LSAMP: variants seen among roughly 807,000 people sequenced by gnomAD.
LSAMP encodes the protein limbic system associated membrane protein.
LSAMP carries 7 observed loss-of-function variants against 38.6 expected under a neutral mutation model. The ratio of observed to expected loss-of-function variants is 0.18; its 90% CI spans 0.10 to 0.34. The LOEUF is 0.34. LSAMP is among the 10% of genes least tolerant of loss of function. The pLI, the probability that LSAMP is intolerant of heterozygous loss-of-function variation, is 1.00. For synonymous variants in LSAMP, 154 were observed against 166.8 expected (o/e 0.92, Z 0.59); for missense variants, 313 against 420.0 (o/e 0.75, Z 2.23).
chr3:116,332,731 A>G (rs72950151), intron 1 of LSAMP, among the ~76,000 whole-genome samples: 6,886 of 152,220 alleles, frequency 0.045, 538 homozygotes, highest in African/African-American at 0.16. Context: ...ATCCAATTAT[A>G]TGCTGCCTAC....
intron 1 of LSAMP, among the ~76,000 whole-genome samples, chr3:116,239,788 T>A (rs1459173209): frequency 6.6e-6 from 1 of 152,188 alleles, no homozygotes; most frequent in Non-Finnish European, 1.5e-5. Flanking sequence ...TTATTCTAAA[T>A]CTAAAATGTA....
In LSAMP at chr3:116,019,579, A is replaced by C. The variant is rs776034160; in HGVS notation, c.450T>G (p.Thr150=). ...DVTVNEGSNV[T]LVCMANGRPE... is the part of the protein sequence containing the mutation. ...GACGGCCATTGGCCATGCAGACCAG[A>C]GTCACGTTGCTGCCCTCATTCACAG... is the stretch of plus-strand genomic sequence containing the variant. Residue 150 remains threonine, a synonymous_variant, in exon 3 of 7, where the codon ACT becomes ACG. Coordinates refer to ENST00000490035, the MANE Select transcript of LSAMP (RefSeq NM_002338.5). The C allele has an allele frequency of 1.2e-6, 2 of 1,613,006 alleles. No individual in the cohort carries two copies. Among genetic ancestry groups the C allele is most frequent in the Non-Finnish European group, 1.7e-6 (2 of 1,179,242 alleles).
At chr3:115,912,219 C>T (rs1348876161) in intron 3 of LSAMP, among the ~76,000 whole-genome samples, 1 of 152,158 alleles carries the variant, frequency 6.6e-6, no homozygotes, top group Non-Finnish European at 1.5e-5. Context: ...AGCCTAAGGA[C>T]ACTTTGCCTA....
chr3:116,001,068 A>G (rs1428475016), intron 3 of LSAMP, among the ~76,000 whole-genome samples: 3 of 152,166 alleles, frequency 2.0e-5, no homozygotes, highest in African/African-American at 7.2e-5. Context: ...ATCACCTAGA[A>G]ATATTATTAC....
intron 2 of LSAMP, among the ~76,000 whole-genome samples, chr3:116,023,178 CTATATATATATACACACAT>C (rs1358766095): frequency 1.4e-5 from 2 of 143,288 alleles, no homozygotes; most frequent in Non-Finnish European, 3.1e-5. Context: ...CTCTCTCTCT[CTATATATATATACACACAT>C]ATCAGATTCA....
At chr3:116,172,254 T>C (rs1353693642) in intron 1 of LSAMP, among the ~76,000 whole-genome samples, 3 of 151,962 alleles carry the variant, frequency 2.0e-5, no homozygotes, top group African/African-American at 7.2e-5. Context: ...GTTTATATGT[T>C]CACAACCGTC....
intron 6 of LSAMP, among the ~76,000 whole-genome samples, chr3:115,828,864 A>C (rs1934515536): frequency 6.6e-6 from 1 of 152,196 alleles, no homozygotes; most frequent in Non-Finnish European, 1.5e-5. Context: ...GGCTCTAGAC[A>C]TCTAAATAGC....
intron 1 of LSAMP, among the ~76,000 whole-genome samples, chr3:116,144,412 A>G (rs1385882371): frequency 6.6e-6 from 1 of 151,892 alleles, no homozygotes; most frequent in Non-Finnish European, 1.5e-5. Flanking sequence ...GGTCCCAGCT[A>G]CTTGGGGAGC....
chr3:116,369,998 A>G (rs2048409146), intron 1 of LSAMP: 1 of 152,528 alleles, frequency 6.6e-6, no homozygotes, highest in African/African-American at 2.4e-5. Context: ...AAAAAATTCT[A>G]TTTTTTGTCT....
intron 1 of LSAMP, among the ~76,000 whole-genome samples, chr3:116,253,501 T>C (rs1228860184): frequency 6.6e-6 from 1 of 152,188 alleles, no homozygotes; most frequent in Non-Finnish European, 1.5e-5. Flanking sequence ...CAGATGGTAA[T>C]TCACAGCAAC....
At chr3:116,414,406 GC>G (rs2049021616) in intron 1 of LSAMP, among the ~76,000 whole-genome samples, 2 of 152,080 alleles carry the variant, frequency 1.3e-5, no homozygotes, top group African/African-American at 4.8e-5. Flanking sequence ...ACCCTGCCCA[GC>G]CGGTGTCTTC....
chr3:116,425,574 T>C (rs1559863700), intron 1 of LSAMP, among the ~76,000 whole-genome samples: 1 of 152,294 alleles, frequency 6.6e-6, no homozygotes, highest in East Asian at 1.9e-4. Context: ...TGGGTGAGTA[T>C]GTCAATAAAA....
At chr3:116,013,066 G>A (rs1050985062) in intron 3 of LSAMP, among the ~76,000 whole-genome samples, 10 of 152,140 alleles carry the variant, frequency 6.6e-5, no homozygotes, top group Admixed American at 5.2e-4. Flanking sequence ...ACCATGTCTT[G>A]GAGCATTGAT....
chr3:115,882,265 A>G lies in LSAMP; in HGVS notation c.515-29648T>C, dbSNP rs370822897. ...GCTCTGTAATTAAGAAATCTGACCT[A>G]AGACAACTACCCACCTTGTACCAGG... On this transcript the variant is annotated intron_variant, in intron 3 of 6. Transcript: ENST00000490035. 9.0e-4 allele frequency among the ~76,000 whole-genome samples: 137 copies of G among 152,226 alleles called. 2 individuals carry two copies. The South Asian group carries it at 0.011, about 12-fold the overall frequency.
chr3:115,895,124 A>G (rs1274094400), intron 3 of LSAMP, among the ~76,000 whole-genome samples: 5 of 152,080 alleles, frequency 3.3e-5, no homozygotes, highest in Non-Finnish European at 7.4e-5. Context: ...AATTACCAGA[A>G]TCATCAGGTA....
chr3:116,201,736 T>C (rs1280738308), intron 1 of LSAMP, among the ~76,000 whole-genome samples: 4 of 152,182 alleles, frequency 2.6e-5, no homozygotes, highest in African/African-American at 9.6e-5. Flanking sequence ...ACGGTGGACT[T>C]TGAGTGACTC....
intron 1 of LSAMP, among the ~76,000 whole-genome samples, chr3:116,398,020 A>C (rs1218336310): frequency 6.6e-6 from 1 of 152,024 alleles, no homozygotes; most frequent in East Asian, 1.9e-4. Flanking sequence ...ATAGGGTTGA[A>C]TATACTTTTA....
intron 2 of LSAMP, among the ~76,000 whole-genome samples, chr3:116,050,945 A>G (rs893480233): frequency 1.3e-5 from 2 of 152,222 alleles, no homozygotes; most frequent in East Asian, 3.8e-4. Context: ...CCCAGCAACA[A>G]CTTCAGAATT....
At chr3:116,301,106 G>T (rs1458459080) in intron 1 of LSAMP, among the ~76,000 whole-genome samples, 1 of 152,002 alleles carries the variant, frequency 6.6e-6, no homozygotes, top group Non-Finnish European at 1.5e-5. Flanking sequence ...ATTTGGAAAT[G>T]AAAGGGAAGA....
Sources: allele counts gnomAD v4.1 joint callset (sites outside exome capture counted in the v4.1 genomes callset), GRCh38; gene constraint gnomAD v4.1.1; transcripts MANE v1.5; gene names NCBI Gene and HGNC (gene_info 2026-07-23, HGNC 2026-07-21).